The following PKIG variants were observed in gnomAD, a reference collection of about 807,000 sequenced individuals.
PKIG encodes cAMP-dependent protein kinase inhibitor gamma.
In PKIG, 1 loss-of-function variant was observed where a neutral mutation model predicts 6.8. The ratio of observed to expected loss-of-function variants is 0.15; its 90% CI spans 0.05 to 0.69. The LOEUF is 0.69. Ranked by LOEUF, PKIG falls within the 30% of genes least tolerant of loss-of-function variation. The pLI is 0.82. For missense variants in PKIG, 77 were observed against 104.0 expected, an observed-to-expected ratio of 0.74 and a Z score of 1.13; for synonymous variants, 39 against 43.0, an observed-to-expected ratio of 0.91 and a Z score of 0.36.
intron 1 of PKIG, among the ~76,000 whole-genome samples, chr20:44,572,595 A>G (rs2064863336): frequency 6.6e-6 from 1 of 152,152 alleles, no homozygotes; most frequent in African/African-American, 2.4e-5. Flanking sequence ...GTGTTTGATG[A>G]AATTGTCCAG....
chr20:44,574,945 T>C (rs2064883776), intron 1 of PKIG, among the ~76,000 whole-genome samples: 1 of 152,192 alleles, frequency 6.6e-6, no homozygotes, highest in Admixed American at 6.5e-5. Context: ...TAATTAATAA[T>C]CCTTTATTAT....
chr20:44,533,067 G>GT (rs778488180), intron 1 of PKIG, among the ~76,000 whole-genome samples: 32 of 152,130 alleles, frequency 2.1e-4, no homozygotes, highest in Admixed American at 4.6e-4. Flanking sequence ...TTTGATCAGA[G>GT]GTATAGTTTC....
At chr20:44,573,448 C>A (rs544562320) in intron 1 of PKIG, among the ~76,000 whole-genome samples, 1 of 152,310 alleles carries the variant, frequency 6.6e-6, no homozygotes, top group African/African-American at 2.4e-5. Flanking sequence ...TGGATTCTTG[C>A]GCAAGTTACG....
At position 44,614,377 on chromosome 20, in the gene PKIG, T is replaced by C; in HGVS notation, c.-23-157T>C. On this transcript the variant is annotated intron_variant, in intron 2 of 3. Coordinates refer to ENST00000372886, the MANE Select transcript of PKIG (RefSeq NM_001281445.2). The surrounding 1 kb of genome is among the most constrained non-coding windows in gnomAD (Gnocchi z 4.6). The stretch of plus-strand genomic sequence containing the variant: ...TGGGTGTGGAATTATGAGTGACTTG[T>C]TTTGTTCTTTGTACTTTTCTGTGCT... 1 of 569,764 alleles carries C rather than the reference T, an allele frequency of 1.8e-6. No individual in the cohort carries two copies. The highest frequency in any genetic ancestry group is 3.1e-6 in the Non-Finnish European group (1 of 322,504). 35.3% of individuals were successfully genotyped at this position (569,764 alleles called of 1,614,324 possible).
At chr20:44,540,975 G>A (rs757602708) in intron 1 of PKIG, among the ~76,000 whole-genome samples, 1 of 152,220 alleles carries the variant, frequency 6.6e-6, no homozygotes. Flanking sequence ...GGCCTCGTCA[G>A]TATTAGTTGG....
chr20:44,564,282 T>C (rs1447143038), intron 1 of PKIG: 4 of 152,212 alleles, frequency 2.6e-5, no homozygotes, highest in East Asian at 3.8e-4. Flanking sequence ...TTACTCTCTT[T>C]TCACCCAAAG....
At chr20:44,547,089 A>G (rs575364406) in intron 1 of PKIG, among the ~76,000 whole-genome samples, 1 of 152,206 alleles carries the variant, frequency 6.6e-6, no homozygotes, top group Non-Finnish European at 1.5e-5. Context: ...TGTACATCCT[A>G]ACATACAATG....
At chr20:44,567,276 G>T (rs1327678166) in intron 1 of PKIG, among the ~76,000 whole-genome samples, 1 of 152,142 alleles carries the variant, frequency 6.6e-6, no homozygotes, top group East Asian at 1.9e-4. Flanking sequence ...TGACCCTAGG[G>T]TCTGGCTACC....
chr20:44,581,716 A>G (rs1211394100), upstream of PKIG, among the ~76,000 whole-genome samples: 1 of 152,174 alleles, frequency 6.6e-6, no homozygotes, highest in African/African-American at 2.4e-5. Context: ...TTACTCCCAG[A>G]GAATCTGTTC....
chr20:44,563,723 G>A (rs958888466), intron 1 of PKIG, among the ~76,000 whole-genome samples: 2 of 151,886 alleles, frequency 1.3e-5, no homozygotes, highest in Admixed American at 1.3e-4. Context: ...TAGAGATGAG[G>A]TCTTACTGTG....
chr20:44,534,237 C>T (rs1167338738), intron 1 of PKIG, among the ~76,000 whole-genome samples: 1 of 152,102 alleles, frequency 6.6e-6, no homozygotes, highest in Non-Finnish European at 1.5e-5. Flanking sequence ...GTATAACTTT[C>T]CTGAGAAGGT....
chr20:44,551,602 G>T (rs534189043), intron 1 of PKIG, among the ~76,000 whole-genome samples: 1 of 152,298 alleles, frequency 6.6e-6, no homozygotes, highest in Admixed American at 6.5e-5. Flanking sequence ...ATGCCCATTT[G>T]AATGAGGAGA....
intron 2 of PKIG, among the ~76,000 whole-genome samples, chr20:44,608,487 T>C (rs2123456477): frequency 6.6e-6 from 1 of 152,332 alleles, no homozygotes; most frequent in Middle Eastern, 3.4e-3. Context: ...CATTTTGGTG[T>C]CTTTAGTTTC....
intron 1 of PKIG, among the ~76,000 whole-genome samples, chr20:44,554,657 G>T (rs927885890): frequency 6.6e-6 from 1 of 151,812 alleles, no homozygotes; most frequent in Non-Finnish European, 1.5e-5. Context: ...TCCAGCTTGG[G>T]GGCAAAAAAC....
intron 1 of PKIG, among the ~76,000 whole-genome samples, chr20:44,550,000 G>A (rs1374142736): frequency 4.6e-5 from 7 of 151,572 alleles, no homozygotes; most frequent in African/African-American, 7.3e-5. Context: ...AATGGAATTC[G>A]GAGCTAATTT....
At chr20:44,594,158 A>G (rs1171685959) in intron 2 of PKIG, among the ~76,000 whole-genome samples, 1 of 152,160 alleles carries the variant, frequency 6.6e-6, no homozygotes, top group Admixed American at 6.5e-5. Flanking sequence ...TTAGCTCCAC[A>G]TCTTCTATTT....
chr20:44,533,456 T>G (rs2064485501), intron 1 of PKIG, among the ~76,000 whole-genome samples: 1 of 152,218 alleles, frequency 6.6e-6, no homozygotes, highest in Non-Finnish European at 1.5e-5. Flanking sequence ...AACAAGTGAT[T>G]ATAATTGTGA....
chr20:44,557,840 TA>T (rs947034774), intron 1 of PKIG, among the ~76,000 whole-genome samples: 17 of 145,422 alleles, frequency 1.2e-4, no homozygotes, highest in South Asian at 2.2e-4. Flanking sequence ...TAAAAAATAA[TA>T]AAAAAAAAAG....
At chr20:44,561,001 A>T (rs1213095303) in intron 1 of PKIG, among the ~76,000 whole-genome samples, 1 of 152,238 alleles carries the variant, frequency 6.6e-6, no homozygotes, top group Non-Finnish European at 1.5e-5. Flanking sequence ...AGAATGTAAA[A>T]CACTGTATTT....
Sources: gnomAD v4.1 joint callset for allele counts (sites outside exome capture counted in the v4.1 genomes callset) on GRCh38, gnomAD v4.1.1 for gene constraint, Gnocchi (gnomAD v3.1) non-coding constraint, MANE v1.5 for transcripts, NCBI Gene and HGNC (gene_info 2026-07-23, HGNC 2026-07-21) for gene names.